Variants in CLCN3 observed in about 807,000 individuals in gnomAD.
CLCN3 encodes the protein Cl-/H+ antiporter 3, also known as H(+)/Cl(-) exchange transporter 3.
In CLCN3, 16 loss-of-function variants were observed where a neutral mutation model predicts 83.4. The observed-to-expected ratio is 0.19, with a 90% confidence interval of 0.13 to 0.29. The LOEUF (loss-of-function observed/expected upper bound fraction) is 0.29. CLCN3 is among the 10% of genes least tolerant of loss of function. The pLI is 1.00. For synonymous variants in CLCN3, 322 were observed against 346.2 expected (o/e 0.93, Z 0.78); for missense variants, 544 against 1,006.0 (o/e 0.54, Z 6.21).
At chr4:169,654,106 G>C (rs1021276266) in intron 2 of CLCN3, among the ~76,000 whole-genome samples, 2 of 152,062 alleles carry the variant, frequency 1.3e-5, no homozygotes, top group Non-Finnish European at 2.9e-5. Context: ...ATTATATATA[G>C]GAGGGCCTAT....
Position 169,692,179 on chromosome 4 carries a change from A to G in CLCN3, c.795A>G (p.Lys265=). 6.2e-7 allele frequency: 1 copy of G among 1,612,670 alleles called. No homozygotes were observed. Among genetic ancestry groups the G allele is most frequent in the Non-Finnish European group, 8.5e-7 (1 of 1,178,746 alleles). The change falls in exon 7 of 13, where the codon AAA becomes AAG. Residue 265 remains lysine, a synonymous_variant. Coordinates refer to ENST00000513761, the MANE Select transcript of CLCN3 (RefSeq NM_001829.4). ...TGGGAAAATGGACTTTAATGATTAA[A>G]ACCATCACATTAGTCCTGGCTGTGG... ...GYLGKWTLMI[K]TITLVLAVAS...
chr4:169,676,371 T>G (rs1262737537), intron 2 of CLCN3, among the ~76,000 whole-genome samples: 1 of 152,222 alleles, frequency 6.6e-6, no homozygotes, highest in African/African-American at 2.4e-5. Context: ...CATAGAACCC[T>G]TATATTTTGA....
At chr4:169,690,709 C>T (rs1165633841) in intron 6 of CLCN3, 57 bp downstream of exon 6, 1 of 1,502,918 alleles carries the variant, frequency 6.7e-7, no homozygotes, top group African/African-American at 1.4e-5. Context: ...ATCTTTTTGA[C>T]CTTAGTGATA....
rs1279897720 is a variant in CLCN3 at position 169,697,747 on chromosome 4, G to C, written c.1563+13G>C. 1 of 1,567,052 alleles carries C rather than the reference G, an allele frequency of 6.4e-7. No individual in the cohort carries two copies. Among genetic ancestry groups the C allele is most frequent in the African/African-American group, 1.4e-5 (1 of 74,028 alleles). On this transcript the variant is annotated intron_variant, in intron 9 of 12. Coordinates refer to ENST00000513761, the MANE Select transcript of CLCN3 (RefSeq NM_001829.4). ...TTTTGGCATCAAGGTAAGTGCTAAT[G>C]TGAGGTGATATTTGGGTAATTTTGG...
intron 10 of CLCN3, among the ~76,000 whole-genome samples, chr4:169,705,007 AC>A (rs1488562389): frequency 1.3e-5 from 2 of 152,172 alleles, no homozygotes; most frequent in African/African-American, 2.4e-5. Flanking sequence ...AAGAACATGG[AC>A]CCAATCTCGA....
intron 10 of CLCN3, among the ~76,000 whole-genome samples, chr4:169,705,781 A>G (rs1174655903): frequency 2.0e-5 from 3 of 152,268 alleles, no homozygotes; most frequent in Non-Finnish European, 4.4e-5. Flanking sequence ...CAACACAGTA[A>G]AAGTAGTACT....
chr4:169,699,220 A>G (rs1362181057), intron 9 of CLCN3, among the ~76,000 whole-genome samples: 1 of 152,132 alleles, frequency 6.6e-6, no homozygotes. Context: ...AAATTACTAG[A>G]TCTATAAATA....
At chr4:169,708,376 A>G (rs933809936) in intron 11 of CLCN3, among the ~76,000 whole-genome samples, 8 of 152,194 alleles carry the variant, frequency 5.3e-5, no homozygotes, top group African/African-American at 2.4e-5. Context: ...GGAACAGGCT[A>G]CAGCTTTGGA....
intron 2 of CLCN3, among the ~76,000 whole-genome samples, chr4:169,637,639 G>GT (rs200444794): frequency 5.2e-4 from 78 of 150,910 alleles, no homozygotes; most frequent in African/African-American, 1.3e-3. Flanking sequence ...TATTCTTAGT[G>GT]TTTTTTTTTG....
intron 4 of CLCN3, among the ~76,000 whole-genome samples, chr4:169,688,514 G>A (rs187987902): frequency 9.9e-5 from 15 of 152,218 alleles, no homozygotes; most frequent in Admixed American, 9.8e-4. Context: ...CTCTGTGTAT[G>A]TAACCCACTG....
At chr4:169,664,646 A>G (rs897499718) in intron 2 of CLCN3, among the ~76,000 whole-genome samples, 3 of 152,248 alleles carry the variant, frequency 2.0e-5, no homozygotes, top group African/African-American at 7.2e-5. Flanking sequence ...CAACAGTAGT[A>G]TAAAACAAAG....
intron 9 of CLCN3, among the ~76,000 whole-genome samples, chr4:169,698,250 C>T (rs752009651): frequency 6.6e-6 from 1 of 152,162 alleles, no homozygotes; most frequent in African/African-American, 2.4e-5. Context: ...AATCCAATTA[C>T]ACTCTTAATT....
intron 2 of CLCN3, among the ~76,000 whole-genome samples, chr4:169,666,020 A>T (rs1386227342): frequency 6.6e-6 from 1 of 151,600 alleles, no homozygotes; most frequent in Non-Finnish European, 1.5e-5. Flanking sequence ...ATATATGTGG[A>T]AAGCTTGTGG....
intron 2 of CLCN3, among the ~76,000 whole-genome samples, chr4:169,673,209 T>C (rs1279053567): frequency 6.6e-6 from 1 of 152,246 alleles, no homozygotes; most frequent in East Asian, 1.9e-4. Flanking sequence ...ATATTTGAAA[T>C]GTCACATACT....
rs1197415780 is a variant in CLCN3, at chr4:169,697,424, G to A, written c.1253G>A (p.Arg418His). The A allele has an allele frequency of 1.2e-6, 2 of 1,614,076 alleles. No individual in the cohort carries two copies. Among genetic ancestry groups the A allele is most frequent in the East Asian group, 2.2e-5 (1 of 44,872 alleles). The change falls in exon 9 of 13, where the codon CGC (arginine) becomes CAC (histidine). Residue 418 changes from arginine (R) to histidine (H), a missense_variant. By Grantham distance (29) the Arg-to-His change is conservative (BLOSUM62 0). This residue lies in a region of CLCN3 where 194 missense variants were observed against 341.4 expected (regional missense o/e 0.57). Coordinates refer to ENST00000513761, the MANE Select transcript of CLCN3 (RefSeq NM_001829.4). Reference sequence around the variant, plus strand: ...GCAAATATTGCCTGGTGTCGTCGACGCAAGTCCACGAAATTTGGAAAGTAT... The same window carrying A: ...GCAAATATTGCCTGGTGTCGTCGACACAAGTCCACGAAATTTGGAAAGTAT... Reference protein sequence around the residue: ...IRANIAWCRRRKSTKFGKYPV... With the variant: ...IRANIAWCRRHKSTKFGKYPV...
At chr4:169,640,077 A>G (rs1051865899) in intron 2 of CLCN3, among the ~76,000 whole-genome samples, 1 of 152,242 alleles carries the variant, frequency 6.6e-6, no homozygotes, top group Non-Finnish European at 1.5e-5. Context: ...AGAGATCTTA[A>G]CAAATAATGC....
intron 1 of CLCN3, among the ~76,000 whole-genome samples, chr4:169,630,347 A>G (rs1276202695): frequency 1.3e-5 from 2 of 152,064 alleles, no homozygotes; most frequent in African/African-American, 4.8e-5. Context: ...TGAGTACCTG[A>G]TGTTAAAGCT....
intron 2 of CLCN3, among the ~76,000 whole-genome samples, chr4:169,636,734 G>GTT (rs544033516): frequency 1.1e-5 from 1 of 88,570 alleles, no homozygotes; most frequent in African/African-American, 5.4e-5. Context: ...TTCATTATTT[G>GTT]GTTTTTTTTT....
At chr4:169,666,132 A>C (rs2150224500) in intron 2 of CLCN3, among the ~76,000 whole-genome samples, 1 of 152,304 alleles carries the variant, frequency 6.6e-6, no homozygotes, top group Admixed American at 6.5e-5. Context: ...CATGTTGATC[A>C]TGAAACCAGT....
Sources: allele counts gnomAD v4.1 joint callset (sites outside exome capture counted in the v4.1 genomes callset), GRCh38; gene constraint gnomAD v4.1.1; regional missense constraint gnomAD v4.1.1; transcripts MANE v1.5; gene names NCBI Gene and HGNC (gene_info 2026-07-23, HGNC 2026-07-21).